The following ANGEL2 variants were observed in gnomAD, a reference collection of about 807,000 sequenced individuals.
The protein encoded by ANGEL2 is angel homolog 2.
Under a neutral mutation model 66.0 loss-of-function variants are expected in ANGEL2, and 41 were observed. The ratio of observed to expected loss-of-function variants is 0.62; its 90% CI spans 0.48 to 0.81. The LOEUF (loss-of-function observed/expected upper bound fraction) is 0.81. Among genes scored for constraint, ANGEL2 ranks in the 30% least tolerant of loss-of-function variants. The pLI is 0.00. For synonymous variants in ANGEL2, 208 were observed against 226.5 expected, an observed-to-expected ratio of 0.92 and a Z score of 0.73; for missense variants, 561 against 641.6, an observed-to-expected ratio of 0.87 and a Z score of 1.36.
At chr1:213,007,580 A>G (rs1426325510) in intron 3 of ANGEL2, among the ~76,000 whole-genome samples, 1 of 152,188 alleles carries the variant, frequency 6.6e-6, no homozygotes, top group African/African-American at 2.4e-5. Context: ...TGAATTACTG[A>G]AATTTCAAAT....
intron 7 of ANGEL2, 61 bp downstream of exon 7, chr1:213,000,265 G>GA: frequency 6.8e-7 from 1 of 1,462,364 alleles, no homozygotes; most frequent in Non-Finnish European, 9.6e-7. Context: ...TGATTTTTGA[G>GA]AAATGAGTTT....
At chr1:213,003,272 A>G (rs1457029805) in intron 5 of ANGEL2, among the ~76,000 whole-genome samples, 1 of 152,218 alleles carries the variant, frequency 6.6e-6, no homozygotes, top group Non-Finnish European at 1.5e-5. Flanking sequence ...CTTTCTTATT[A>G]TGCCTTCATA....
intron 1 of ANGEL2, 151 bp from the exon 2 acceptor site, chr1:213,013,569 T>C (rs996036758): frequency 4.2e-6 from 3 of 719,812 alleles, no homozygotes; most frequent in Admixed American, 6.0e-5. Context: ...GCACCCATGA[T>C]TTACCTATTG....
chr1:213,004,749 C>A (rs1045807441), intron 5 of ANGEL2, among the ~76,000 whole-genome samples: 1 of 151,062 alleles, frequency 6.6e-6, no homozygotes, highest in Non-Finnish European at 1.5e-5. Context: ...ACACCTGTAA[C>A]CCCAGCCACT....
In ANGEL2 at chr1:213,005,422, TTCCTG is replaced by T. The variant is rs1558182239; in HGVS notation, c.740_744del (p.Thr247LysfsTer4). The T allele has an allele frequency of 6.2e-7, 1 of 1,610,550 alleles. No individual in the cohort carries two copies. Among genetic ancestry groups the T allele is most frequent in the Admixed American group, 1.7e-5 (1 of 59,846 alleles). On this transcript the variant is annotated frameshift_variant, in exon 5 of 9. Transcript: ENST00000366962. LOFTEE classifies it high-confidence loss of function. The stretch of plus-strand genomic sequence containing the variant: ...CAAATAGCACAGCCATCAGGTTTCC[TTCCTG>T]TCCGCATCTTATATTCACAGTGATA...
intron 6 of ANGEL2, 192 bp from the exon 7 acceptor site, chr1:213,000,575 G>A (rs2076149807): frequency 4.0e-6 from 3 of 744,082 alleles, no homozygotes; most frequent in Admixed American, 7.1e-5. Flanking sequence ...CAATTCCAAA[G>A]CAACATGCAA....
rs752320877 is a variant in ANGEL2 at position 213,005,491 on chromosome 1, T to C, written c.713-37A>G. 22 of 1,515,804 alleles carry C rather than the reference T, an allele frequency of 1.5e-5. 1 individual carries two copies. Among genetic ancestry groups the C allele is most frequent in the Non-Finnish European group, 1.9e-5 (22 of 1,133,062 alleles). The allele number at this position is 1,515,804 out of a possible 1,614,324, so 93.9% of individuals were successfully genotyped here. On this transcript the variant is annotated intron_variant, in intron 4 of 8. Coordinates refer to ENST00000366962, the MANE Select transcript of ANGEL2 (RefSeq NM_144567.5). The stretch of plus-strand genomic sequence containing the variant: ...AAATGAATTTAAAACAAATGACTGC[T>C]TTTATATATTTATCAAAACACAGCT...
Position 213,000,379 on chromosome 1 carries a change from A to G in ANGEL2, c.1266T>C (p.Ser422=). Reference sequence around the variant, plus strand: ...GCTTCAGCTGTGTTTGTGTCAGATCACTGTCTGTAAGAATAGAGGAAAATA... The same window carrying G: ...GCTTCAGCTGTGTTTGTGTCAGATCGCTGTCTGTAAGAATAGAGGAAAATA... ...QQVPKVEKTD[S]DLTQTQLKQT... The change falls in exon 7 of 9, where the codon AGT becomes AGC. Residue 422 remains serine (S), a synonymous_variant. Coordinates refer to ENST00000366962, the MANE Select transcript of ANGEL2 (RefSeq NM_144567.5). 1 of 1,613,062 alleles carries G rather than the reference A, an allele frequency of 6.2e-7. No individual in the cohort carries two copies. The highest frequency in any genetic ancestry group is 8.5e-7 in the Non-Finnish European group (1 of 1,179,124).
At chr1:213,015,341 A>C (rs1263728401) in intron 1 of ANGEL2, 9 of 1,379,376 alleles carry the variant, frequency 6.5e-6, no homozygotes, top group Non-Finnish European at 7.5e-6. Flanking sequence ...CAGGGATCCA[A>C]AGCCACTGGC....
intron 7 of ANGEL2, among the ~76,000 whole-genome samples, chr1:212,998,717 G>A (rs2076095100): frequency 1.3e-5 from 2 of 151,064 alleles, no homozygotes; most frequent in Admixed American, 6.6e-5. Context: ...TAGTAGAGAC[G>A]CGGTTTCACC....
intron 5 of ANGEL2, among the ~76,000 whole-genome samples, chr1:213,002,980 A>T (rs1181196385): frequency 6.6e-6 from 1 of 151,804 alleles, no homozygotes; most frequent in Non-Finnish European, 1.5e-5. Context: ...TCTTAGCTAG[A>T]TCTTCTGGAT....
chr1:212,995,235 G>A (rs368602923), intron 8 of ANGEL2, 43 bp from the exon 9 acceptor site: 59 of 1,534,596 alleles, frequency 3.8e-5, no homozygotes, highest in African/African-American at 6.9e-5. Context: ...AATTGTCAAC[G>A]GGTTATTGTA....
In ANGEL2 at chr1:212,996,640, A is replaced by AATATAT. The variant is rs34712162; in HGVS notation, c.1483+509_1483+514dup. Among the ~76,000 whole-genome samples the AATATAT allele has an allele frequency of 1.5e-3, 100 of 66,456 alleles. 1 individual carries two copies. Among genetic ancestry groups the AATATAT allele is most frequent in the Admixed American group, 2.9e-3 (10 of 3,480 alleles). The allele number at this position is 66,456 out of a possible 152,430, so 43.6% of individuals were successfully genotyped here. On this transcript the variant is annotated intron_variant, in intron 8 of 8. Coordinates refer to ENST00000366962, the MANE Select transcript of ANGEL2 (RefSeq NM_144567.5). ...TCTGTATCCAAAAAAAAAAAAAAAA[A>AATATAT]ATATATATATATATATATATATATA...
Position 212,993,012 on chromosome 1 carries a change from A to T in ANGEL2, c.*2029T>A, listed in dbSNP as rs2075895105. The stretch of plus-strand genomic sequence containing the variant: ...AGAACTATAATTAATACTGTAATTA[A>T]AATCCCCCCAAAGGCCAGGCATGGT... On this transcript the variant is annotated 3_prime_UTR_variant, in exon 9 of 9. Coordinates refer to ENST00000366962, the MANE Select transcript of ANGEL2 (RefSeq NM_144567.5). The T allele has an allele frequency of 1.3e-5, 2 of 152,228 alleles. No homozygotes were observed. Among genetic ancestry groups the T allele is most frequent in the South Asian group, 4.1e-4 (2 of 4,830 alleles). The allele number at this position is 152,228 out of a possible 1,614,324, so 9.4% of individuals were successfully genotyped here.
chr1:213,000,568 T>C (rs1031655787), intron 6 of ANGEL2, 185 bp from the exon 7 acceptor site: 1 of 759,854 alleles, frequency 1.3e-6, no homozygotes, highest in Non-Finnish European at 2.0e-6. Context: ...ATGCAAACAA[T>C]TCCAAAGCAA....
intron 5 of ANGEL2, chr1:213,001,699 A>C (rs1158958411): frequency 6.6e-6 from 1 of 152,204 alleles, no homozygotes; most frequent in Non-Finnish European, 1.5e-5. Context: ...AAACCCTTCC[A>C]ATGTTTTATC....
chr1:212,997,085 CT>C (rs2076044760), intron 8 of ANGEL2, 69 bp downstream of exon 8: 1 of 1,400,786 alleles, frequency 7.1e-7, no homozygotes, highest in Admixed American at 2.1e-5. Context: ...AGAGAGCTTT[CT>C]TAACTTTAAC....
Position 213,007,151 on chromosome 1 carries a change from G to A in ANGEL2, c.690C>T (p.Ile230=). ...EVQEDHYGAE[I]RPSLESLGYH... is the part of the protein sequence containing the mutation. Reference sequence around the variant, plus strand: ...TACCCAGTGATTCCAAACTTGGCCTGATCTCTGCTCCATAATGATCTTCTT... The same window carrying A: ...TACCCAGTGATTCCAAACTTGGCCTAATCTCTGCTCCATAATGATCTTCTT... The change falls in exon 4 of 9, where the codon ATC becomes ATT. Residue 230 remains isoleucine (I), a synonymous_variant. Coordinates refer to ENST00000366962, the MANE Select transcript of ANGEL2 (RefSeq NM_144567.5). 6.2e-7 allele frequency: 1 copy of A among 1,605,782 alleles called. No individual in the cohort carries two copies. Among genetic ancestry groups the A allele is most frequent in the Non-Finnish European group, 8.5e-7 (1 of 1,176,768 alleles).
rs971775677 is a variant in ANGEL2 at position 213,007,149 on chromosome 1, C to G, written c.692G>C (p.Arg231Thr). The G allele has an allele frequency of 6.2e-7, 1 of 1,608,172 alleles. No homozygotes were observed. The highest frequency in any genetic ancestry group is 1.3e-5 in the African/African-American group (1 of 74,210). The change falls in exon 4 of 9, where the codon AGG becomes ACG. Residue 231 changes from arginine (R) to threonine (T), a missense_variant. Arg to Thr is a moderately conservative substitution (Grantham distance 71). Coordinates refer to ENST00000366962, the MANE Select transcript of ANGEL2 (RefSeq NM_144567.5). ...TGTACCCAGTGATTCCAAACTTGGC[C>G]TGATCTCTGCTCCATAATGATCTTC... ...VQEDHYGAEIRPSLESLGYHC... is the reference protein window; with the variant it reads ...VQEDHYGAEITPSLESLGYHC...
Sources: allele counts gnomAD v4.1 joint callset (sites outside exome capture counted in the v4.1 genomes callset), GRCh38; gene constraint gnomAD v4.1.1; transcripts MANE v1.5; gene names NCBI Gene and HGNC (gene_info 2026-07-23, HGNC 2026-07-21).